The following TRMT11 variants were observed in gnomAD, a reference collection of about 807,000 sequenced individuals.
The protein encoded by TRMT11 is tRNA methyltransferase 11, also known as tRNA (guanine(10)-N(2))-methyltransferase TRMT11.
TRMT11 carries 53 observed loss-of-function variants against 62.8 expected under a neutral mutation model. That is an observed-to-expected ratio of 0.84 (90% CI 0.68 to 1.06). The LOEUF (loss-of-function observed/expected upper bound fraction) is 1.06, where lower values mean the gene tolerates loss of function less well. TRMT11 is among the 50% of genes least tolerant of loss of function. The pLI is 0.00. For missense variants in TRMT11, 556 were observed against 553.4 expected (o/e 1.00, Z -0.05); for synonymous variants, 188 against 190.3 (o/e 0.99, Z 0.10).
chr6:125,996,971 T>G (rs1366422927), intron 3 of TRMT11, among the ~76,000 whole-genome samples: 3 of 152,204 alleles, frequency 2.0e-5, no homozygotes, highest in African/African-American at 7.2e-5. Flanking sequence ...TAAAAATGAC[T>G]AGAAAACAGA....
At chr6:126,023,979 G>A (rs572855626) in intron 12 of TRMT11, among the ~76,000 whole-genome samples, 1 of 152,108 alleles carries the variant, frequency 6.6e-6, no homozygotes, top group African/African-American at 2.4e-5. Context: ...AAAAAGACTT[G>A]AATTGGAAAT....
At chr6:126,247,509 TATATATAAATATATAAATAA>T in the TRMT11 span, among the ~76,000 whole-genome samples, 4 of 143,738 alleles carry the variant, frequency 2.8e-5, no homozygotes, top group African/African-American at 7.8e-5. Context: ...TATCTCTCTC[TATATATAAATATATAAATAA>T]ATATATAAAT....
chr6:126,162,726 C>G (rs1237881360), intron 21 of TRMT11, among the ~76,000 whole-genome samples: 4 of 152,168 alleles, frequency 2.6e-5, no homozygotes, highest in Non-Finnish European at 5.9e-5. Context: ...TTTGTGTCCT[C>G]TCTTATTTCC....
intron 7 of TRMT11, among the ~76,000 whole-genome samples, chr6:126,004,498 A>G (rs193093724): frequency 1.4e-4 from 21 of 152,066 alleles, no homozygotes; most frequent in Non-Finnish European, 2.4e-4. Context: ...ATAATAACCA[A>G]TAATTGTGAA....
At chr6:126,197,328 A>T (rs76510985) in intron 1 of TRMT11, among the ~76,000 whole-genome samples, 14,900 of 151,986 alleles carry the variant, frequency 0.098, 2,433 homozygotes, top group African/African-American at 0.34. Flanking sequence ...TTAGAAAAAA[A>T]TTTTTTCTGT....
intron 21 of TRMT11, among the ~76,000 whole-genome samples, chr6:126,147,250 C>G (rs150072545): frequency 6.6e-6 from 1 of 152,166 alleles, no homozygotes; most frequent in Non-Finnish European, 1.5e-5. Context: ...TTTTCGTTCT[C>G]TTTCCCCCCT....
In TRMT11 at chr6:126,008,420, T is replaced by A; in HGVS notation, c.708T>A (p.Phe236Leu). 6.2e-7 allele frequency: 1 copy of A among 1,613,178 alleles called. No homozygotes were observed. Among genetic ancestry groups the A allele is most frequent in the Non-Finnish European group, 8.5e-7 (1 of 1,179,262 alleles). Residue 236 changes from phenylalanine to leucine, a missense_variant, in exon 8 of 13, where the codon TTT (phenylalanine) becomes TTA (leucine). Transcript: ENST00000334379. ...TGGLLIACAHFGAYVYGTDID... is the reference protein window; with the variant it reads ...TGGLLIACAHLGAYVYGTDID... The stretch of plus-strand genomic sequence containing the variant: ...GCCTGCTGATAGCATGTGCTCATTT[T>A]GGTGCATATGTGTATGGGACAGACA...
intron 17 of TRMT11, among the ~76,000 whole-genome samples, chr6:126,111,803 A>T (rs1406495873): frequency 1.3e-5 from 2 of 152,048 alleles, no homozygotes; most frequent in Admixed American, 6.6e-5. Flanking sequence ...GCCTGGCACA[A>T]TAACTTCCCA....
chr6:126,268,192 CAAG>C, the TRMT11 span, among the ~76,000 whole-genome samples: 1 of 152,070 alleles, frequency 6.6e-6, no homozygotes, highest in African/African-American at 2.4e-5. Flanking sequence ...GAGAAGGAAA[CAAG>C]AAGAAGGAGA....
intron 21 of TRMT11, among the ~76,000 whole-genome samples, chr6:126,120,619 T>C (rs1230744807): frequency 6.6e-6 from 1 of 152,176 alleles, no homozygotes; most frequent in East Asian, 1.9e-4. Flanking sequence ...TGTAATTCTA[T>C]ATAAAATGTC....
At chr6:126,034,838 C>G (rs1774869801) in intron 12 of TRMT11, among the ~76,000 whole-genome samples, 1 of 151,926 alleles carries the variant, frequency 6.6e-6, no homozygotes, top group South Asian at 2.1e-4. Context: ...ATACTCTTCT[C>G]CTTTTAAGTA....
chr6:126,086,015 A>G (rs970173147), intron 17 of TRMT11, among the ~76,000 whole-genome samples: 1 of 152,170 alleles, frequency 6.6e-6, no homozygotes, highest in Non-Finnish European at 1.5e-5. Context: ...AAAACACAAA[A>G]CAAATGAATG....
At chr6:126,146,101 A>C (rs1777971270) in intron 21 of TRMT11, among the ~76,000 whole-genome samples, 1 of 152,234 alleles carries the variant, frequency 6.6e-6, no homozygotes, top group African/African-American at 2.4e-5. Flanking sequence ...GCCTTCTTCC[A>C]AGCCAGTGAC....
chr6:126,193,333 G>T (rs1396998025), intron 1 of TRMT11, among the ~76,000 whole-genome samples: 2 of 151,176 alleles, frequency 1.3e-5, no homozygotes, highest in Non-Finnish European at 3.0e-5. Flanking sequence ...CTAACTAAAG[G>T]TTTATTATTT....
downstream of TRMT11, among the ~76,000 whole-genome samples, chr6:126,207,431 T>C (rs1040946600): frequency 2.6e-5 from 4 of 152,292 alleles, no homozygotes; most frequent in Non-Finnish European, 5.9e-5. Context: ...CAGAGAAGCA[T>C]TGAGATACTA....
chr6:126,073,451 ATTACTT>A (rs1343272974), intron 17 of TRMT11, among the ~76,000 whole-genome samples: 1 of 152,030 alleles, frequency 6.6e-6, no homozygotes, highest in Non-Finnish European at 1.5e-5. Context: ...GTCAGGGAAA[ATTACTT>A]TTTTTTTTAA....
the TRMT11 span, among the ~76,000 whole-genome samples, chr6:126,232,783 C>A: frequency 5.9e-5 from 9 of 152,292 alleles, no homozygotes; most frequent in African/African-American, 2.2e-4. Flanking sequence ...AACTTTGAGT[C>A]AAAGTTAACA....
At chr6:126,162,637 A>G (rs574531583) in intron 21 of TRMT11, among the ~76,000 whole-genome samples, 3 of 152,342 alleles carry the variant, frequency 2.0e-5, no homozygotes, top group Admixed American at 6.5e-5. Flanking sequence ...CATTGAATCT[A>G]TAAATTACTT....
At chr6:126,083,273 C>G (rs144898769) in intron 17 of TRMT11, among the ~76,000 whole-genome samples, 1 of 152,240 alleles carries the variant, frequency 6.6e-6, no homozygotes, top group Non-Finnish European at 1.5e-5. Context: ...ACAGTAGTCT[C>G]TAACCCTTCT....
Sources: gnomAD v4.1 joint callset for allele counts (sites outside exome capture counted in the v4.1 genomes callset) on GRCh38, gnomAD v4.1.1 for gene constraint, MANE v1.5 for transcripts, NCBI Gene and HGNC (gene_info 2026-07-23, HGNC 2026-07-21) for gene names.